The following CSPP1 variants were observed in gnomAD, a reference collection of about 807,000 sequenced individuals.
CSPP1 encodes the protein centrosome and spindle pole-associated protein 1.
In CSPP1, 126 loss-of-function variants were observed where a neutral mutation model predicts 164.4. The observed-to-expected ratio is 0.77, with a 90% CI of 0.66 to 0.89. The LOEUF is 0.89. Ranked by LOEUF, CSPP1 falls within the 40% of genes least tolerant of loss-of-function variation. The pLI, the probability that CSPP1 is intolerant of heterozygous loss-of-function variation, is 0.00. For synonymous variants in CSPP1, 472 were observed against 476.7 expected, an observed-to-expected ratio of 0.99 and a Z score of 0.13; for missense variants, 1,395 against 1,449.8, an observed-to-expected ratio of 0.96 and a Z score of 0.61.
chr8:67,177,561 G>A (rs1586765458), intron 26 of CSPP1, 119 bp from the exon 27 acceptor site: 2 of 653,554 alleles, frequency 3.1e-6, no homozygotes, highest in East Asian at 5.5e-5. Flanking sequence ...ACTCTGAAGT[G>A]TGATAGTTGA....
At chr8:67,175,561 G>C (rs772779980) in intron 26 of CSPP1, 125 bp downstream of exon 26, 1 of 1,096,810 alleles carries the variant, frequency 9.1e-7, no homozygotes, top group South Asian at 1.3e-5. Flanking sequence ...ATGCTCACAG[G>C]GTCCGTTTGG....
At chr8:67,116,925 T>C (rs1318995796) in intron 13 of CSPP1, among the ~76,000 whole-genome samples, 3 of 152,164 alleles carry the variant, frequency 2.0e-5, no homozygotes, top group Admixed American at 6.5e-5. Flanking sequence ...TTTACTATAC[T>C]TATCAGGGGC....
At chr8:67,103,948 A>G (rs1269571112) in intron 8 of CSPP1, among the ~76,000 whole-genome samples, 2 of 151,786 alleles carry the variant, frequency 1.3e-5, no homozygotes, top group Non-Finnish European at 2.9e-5. Flanking sequence ...TTTTATGCCT[A>G]CTTTGTAAAA....
intron 1 of CSPP1, among the ~76,000 whole-genome samples, chr8:67,065,315 C>A (rs1462916708): frequency 1.3e-5 from 2 of 152,098 alleles, no homozygotes; most frequent in Admixed American, 1.3e-4. Context: ...TGGGACTCAT[C>A]TTTTGAGAGA....
chr8:67,096,612 C>G (rs1812850581), intron 7 of CSPP1, among the ~76,000 whole-genome samples: 1 of 149,384 alleles, frequency 6.7e-6, no homozygotes. Flanking sequence ...CGCTTGTAAT[C>G]CCTGCAGTTT....
chr8:67,180,548 AAATAAT>A (rs891969270), intron 28 of CSPP1, among the ~76,000 whole-genome samples: 3 of 152,128 alleles, frequency 2.0e-5, no homozygotes, highest in Admixed American at 6.5e-5. Context: ...ATGGGAAATA[AAATAAT>A]AATAATAGAT....
chr8:67,161,948 G>A, intron 22 of CSPP1, 33 bp downstream of exon 22: 1 of 1,385,170 alleles, frequency 7.2e-7, no homozygotes, highest in Non-Finnish European at 1.0e-6. Context: ...GTTCATCCTA[G>A]CTCAGTTATT....
At chr8:67,081,201 G>T (rs1426743795) in intron 3 of CSPP1, 2 of 132,394 alleles carry the variant, frequency 1.5e-5, no homozygotes, top group African/African-American at 7.2e-5. Flanking sequence ...TAAATTTTAA[G>T]GTCAAACCCA....
Position 67,076,583 on chromosome 8 carries a change from T to C in CSPP1, c.199+2T>C. ...GTCAACAGACCAGGGGTTCCTTAGG[T>C]ATGTCATTAGATGTGCTAAACTTAT... On this transcript the variant is annotated splice_donor_variant, in intron 3 of 30. Transcript: ENST00000678616. LOFTEE classifies it high-confidence loss of function. 3.9e-6 allele frequency: 6 copies of C among 1,548,928 alleles called. No individual in the cohort carries two copies. Among genetic ancestry groups the C allele is most frequent in the Non-Finnish European group, 5.3e-6 (6 of 1,131,256 alleles).
At chr8:67,113,005 G>A (rs1275584212) in intron 10 of CSPP1, among the ~76,000 whole-genome samples, 1 of 152,124 alleles carries the variant, frequency 6.6e-6, no homozygotes, top group Non-Finnish European at 1.5e-5. Context: ...CAGCACTTTC[G>A]GAGGCCGAGG....
intron 30 of CSPP1, among the ~76,000 whole-genome samples, chr8:67,194,387 G>A (rs926283765): frequency 6.6e-6 from 1 of 152,026 alleles, no homozygotes; most frequent in African/African-American, 2.4e-5. Context: ...TATCTATCTA[G>A]CAGTCAAGGT....
At chr8:67,194,025 A>C (rs980874050) in intron 30 of CSPP1, among the ~76,000 whole-genome samples, 1 of 152,156 alleles carries the variant, frequency 6.6e-6, no homozygotes, top group Admixed American at 6.5e-5. Context: ...TTGGCTTTCC[A>C]CACCATGGAC....
chr8:67,091,990 C>T lies in CSPP1; in HGVS notation c.384+107C>T, dbSNP rs544000327. ...GCAAATGGAAGATCACATCATTTCCCCACACTTGAATATATTTCTATTTCA... is the reference window on the plus strand; with the variant it reads ...GCAAATGGAAGATCACATCATTTCCTCACACTTGAATATATTTCTATTTCA... On this transcript the variant is annotated intron_variant, in intron 5 of 30. Transcript: ENST00000678616. The T allele has an allele frequency of 1.9e-3, 573 of 309,160 alleles. 16 individuals are homozygous for T. The South Asian group carries it at 0.02, about 11-fold the overall frequency. 19.2% of individuals were successfully genotyped at this position (309,160 alleles called of 1,614,324 possible). A position where few individuals can be genotyped will look rare whatever the true frequency, so the allele number is the denominator to read the frequency against.
chr8:67,159,407 A>G (rs745466628), intron 21 of CSPP1, among the ~76,000 whole-genome samples: 1 of 151,766 alleles, frequency 6.6e-6, no homozygotes, highest in African/African-American at 2.4e-5. Flanking sequence ...GTGCCACCCA[A>G]GAATATGGTC....
chr8:67,071,134 T>C (rs752486676), intron 1 of CSPP1, among the ~76,000 whole-genome samples: 4 of 152,206 alleles, frequency 2.6e-5, no homozygotes, highest in African/African-American at 7.2e-5. Context: ...TTACCTGTTA[T>C]AAGTTTCAAC....
At chr8:67,160,759 T>A (rs555118797) in intron 21 of CSPP1, among the ~76,000 whole-genome samples, 12 of 151,854 alleles carry the variant, frequency 7.9e-5, no homozygotes, top group African/African-American at 2.7e-4. Context: ...TTTATTTAGT[T>A]AGCTTCTATC....
intron 26 of CSPP1, among the ~76,000 whole-genome samples, chr8:67,177,297 A>G (rs1471836798): frequency 6.6e-6 from 1 of 152,138 alleles, no homozygotes; most frequent in Non-Finnish European, 1.5e-5. Flanking sequence ...TCTGGAACTA[A>G]GTGCCTGGAA....
At chr8:67,087,423 C>G (rs1810638674) in intron 4 of CSPP1, among the ~76,000 whole-genome samples, 1 of 152,116 alleles carries the variant, frequency 6.6e-6, no homozygotes, top group African/African-American at 2.4e-5. Context: ...ATCCTGTCTT[C>G]AAGAGGCTTA....
At chr8:67,169,906 C>T (rs2129565577) in intron 24 of CSPP1, among the ~76,000 whole-genome samples, 1 of 152,204 alleles carries the variant, frequency 6.6e-6, no homozygotes, top group Admixed American at 6.5e-5. Flanking sequence ...GGCTACCACA[C>T]CTGCTAATTT....
Sources: gnomAD v4.1 joint callset for allele counts (sites outside exome capture counted in the v4.1 genomes callset) on GRCh38, gnomAD v4.1.1 for gene constraint, MANE v1.5 for transcripts, NCBI Gene and HGNC (gene_info 2026-07-23, HGNC 2026-07-21) for gene names.